THADA: variants seen among roughly 807,000 people sequenced by gnomAD.
The protein encoded by THADA is THADA armadillo repeat containing.
In THADA, 213 loss-of-function variants were observed where a neutral mutation model predicts 219.8. The ratio of observed to expected loss-of-function variants is 0.97; its 90% confidence interval spans 0.87 to 1.09. The LOEUF is 1.09. THADA is among the 50% of genes least tolerant of loss of function. THADA has a pLI of 0.00. For missense variants in THADA, 2,956 were observed against 2,311.3 expected, an observed-to-expected ratio of 1.28 and a Z score of -5.72; for synonymous variants, 1,018 against 828.9, an observed-to-expected ratio of 1.23 and a Z score of -3.92.
chr2:43,581,290 G>A (rs956732968), intron 8 of THADA, among the ~76,000 whole-genome samples: 1 of 152,028 alleles, frequency 6.6e-6, no homozygotes, highest in Non-Finnish European at 1.5e-5. Flanking sequence ...AGCACCTTGG[G>A]AGGCCACGGT....
intron 20 of THADA, among the ~76,000 whole-genome samples, chr2:43,544,065 G>C (rs74562109): frequency 1.3e-5 from 2 of 152,118 alleles, no homozygotes; most frequent in Middle Eastern, 3.2e-3. Flanking sequence ...GTAAGGAAGG[G>C]ATCCAGTTTC....
chr2:43,516,224 G>GT (rs1487379537), intron 22 of THADA, among the ~76,000 whole-genome samples: 1 of 152,130 alleles, frequency 6.6e-6, no homozygotes, highest in African/African-American at 2.4e-5. Context: ...CAACACAGAA[G>GT]TAAGAGTAAT....
chr2:43,490,016 G>C (rs1243031126), intron 25 of THADA, among the ~76,000 whole-genome samples: 1 of 151,914 alleles, frequency 6.6e-6, no homozygotes. Flanking sequence ...CATTTATTTA[G>C]GCCTATAATT....
chr2:43,362,052 C>T (rs989707870), intron 29 of THADA, among the ~76,000 whole-genome samples: 3 of 152,204 alleles, frequency 2.0e-5, no homozygotes, highest in Non-Finnish European at 4.4e-5. Context: ...GCTAAGAAAG[C>T]ACATTCTTAT....
chr2:43,407,012 A>G (rs1356444054), intron 28 of THADA, among the ~76,000 whole-genome samples: 2 of 152,208 alleles, frequency 1.3e-5, no homozygotes, highest in Non-Finnish European at 2.9e-5. Flanking sequence ...CTGACTCTTT[A>G]AAGGGGGCTG....
intron 34 of THADA, among the ~76,000 whole-genome samples, chr2:43,291,109 G>C (rs1463963914): frequency 6.6e-6 from 1 of 151,940 alleles, no homozygotes; most frequent in Non-Finnish European, 1.5e-5. Context: ...GGGCATATGT[G>C]TTTTGGGGGG....
chr2:43,266,284 G>C (rs1317445553), intron 36 of THADA, among the ~76,000 whole-genome samples: 1 of 152,142 alleles, frequency 6.6e-6, no homozygotes, highest in Non-Finnish European at 1.5e-5. Context: ...CCTGTCATGA[G>C]CCACTCTAGA....
chr2:43,556,293 G>T, intron 17 of THADA, 52 bp downstream of exon 17: 24 of 1,593,450 alleles, frequency 1.5e-5, no homozygotes, highest in Non-Finnish European at 2.1e-5. Context: ...CTAACCAAAT[G>T]AATACTGAGA....
At chr2:43,348,595 G>A (rs1435985791) in intron 29 of THADA, among the ~76,000 whole-genome samples, 3 of 152,160 alleles carry the variant, frequency 2.0e-5, no homozygotes, top group Non-Finnish European at 4.4e-5. Flanking sequence ...AAACAGCAAT[G>A]GAAGGAGAGG....
intron 26 of THADA, among the ~76,000 whole-genome samples, chr2:43,469,472 A>C (rs962865992): frequency 4.6e-5 from 7 of 152,192 alleles, no homozygotes; most frequent in Admixed American, 3.3e-4. Context: ...AAACTGAAAA[A>C]AACACGGAAA....
chr2:43,515,328 TATATA>T lies in THADA; in HGVS notation c.3375-6553_3375-6549del, dbSNP rs1280645922. Among the ~76,000 whole-genome samples the T allele has an allele frequency of 3.6e-3, 71 of 19,692 alleles. 8 individuals are homozygous for T. Among genetic ancestry groups the T allele is most frequent in the African/African-American group, 0.019 (58 of 3,032 alleles). 12.9% of individuals were successfully genotyped at this position (19,692 alleles called of 152,430 possible). A position where few individuals can be genotyped will look rare whatever the true frequency, so the allele number is the denominator to read the frequency against. On this transcript the variant is annotated intron_variant, in intron 22 of 37. Transcript: ENST00000405975. ...GTAATATATAATATTTTATATATAA[TATATA>T]ATATAATATATAATATTTTATATAT...
At chr2:43,413,069 A>G (rs1343652336) in intron 28 of THADA, among the ~76,000 whole-genome samples, 1 of 152,194 alleles carries the variant, frequency 6.6e-6, no homozygotes, top group Admixed American at 6.5e-5. Context: ...TTAACGATAA[A>G]AAAAGCTTCA....
intron 29 of THADA, among the ~76,000 whole-genome samples, chr2:43,392,512 G>A (rs527798775): frequency 7.2e-5 from 11 of 152,108 alleles, no homozygotes; most frequent in African/African-American, 2.7e-4. Flanking sequence ...ACAACTAGCT[G>A]GCCGAACTAG....
chr2:43,566,824 T>TAA lies in THADA; in HGVS notation c.2188-5_2188-4dup, dbSNP rs34512555. 289,214 of 1,168,064 alleles carry TAA rather than the reference T, an allele frequency of 0.25. 10,224 individuals carry two copies. Among genetic ancestry groups the TAA allele is most frequent in the African/African-American group, 0.32 (19,107 of 60,496 alleles). The allele number at this position is 1,168,064 out of a possible 1,614,324, so 72.4% of individuals were successfully genotyped here. A position where few individuals can be genotyped will look rare whatever the true frequency, so the allele number is the denominator to read the frequency against. On this transcript the variant is annotated splice_region_variant and splice_polypyrimidine_tract_variant and intron_variant, in intron 14 of 37. Transcript: ENST00000405975. ...TTACAAATGGATGACATGAAATTCTTAAAAAAAAAAAAAAAATTACAGTAA... is the reference window on the plus strand; with the variant it reads ...TTACAAATGGATGACATGAAATTCTTAAAAAAAAAAAAAAAAAATTACAGTAA...
chr2:43,475,328 A>G (rs1357066233), intron 26 of THADA, among the ~76,000 whole-genome samples: 1 of 145,660 alleles, frequency 6.9e-6, no homozygotes, highest in Non-Finnish European at 1.5e-5. Context: ...AGGCGGCGGG[A>G]GGATGGCTTG....
At chr2:43,446,363 A>AAG (rs1387626219) in intron 26 of THADA, among the ~76,000 whole-genome samples, 2 of 152,172 alleles carry the variant, frequency 1.3e-5, no homozygotes, top group Non-Finnish European at 2.9e-5. Context: ...TTGATCAGGC[A>AAG]GCAGAAGTGA....
In THADA at chr2:43,571,864, T is replaced by G; in HGVS notation, c.1909-2A>C. ...CAAGCCTAATGTATCTATCCTTACC[T>G]AAAAAACATCAAGCAATAAAATGTT... On this transcript the variant is annotated splice_acceptor_variant, in intron 12 of 37. Transcript: ENST00000405975. LOFTEE classifies it high-confidence loss of function. The G allele has an allele frequency of 6.2e-7, 1 of 1,609,174 alleles. No homozygotes were observed.
chr2:43,575,058 G>A, intron 10 of THADA, 31 bp from the exon 11 acceptor site: 1 of 1,469,020 alleles, frequency 6.8e-7, no homozygotes, highest in Non-Finnish European at 9.2e-7. Flanking sequence ...AGCCATTATT[G>A]TAAACTGATT....
chr2:43,246,973 T>A (rs11690918), intron 36 of THADA, among the ~76,000 whole-genome samples: 2,843 of 151,912 alleles, frequency 0.019, 63 homozygotes, highest in African/African-American at 0.061. Context: ...CAATTCAGAG[T>A]TTAGAGGGCA....
Sources: allele counts gnomAD v4.1 joint callset (sites outside exome capture counted in the v4.1 genomes callset), GRCh38; gene constraint gnomAD v4.1.1; transcripts MANE v1.5; gene names NCBI Gene and HGNC (gene_info 2026-07-23, HGNC 2026-07-21).